ATP2B2: variants seen among roughly 807,000 people sequenced by gnomAD.
The protein encoded by ATP2B2 is ATPase plasma membrane Ca2+ transporting 2, also known as plasma membrane calcium-transporting ATPase 2.
A neutral mutation model predicts 120.0 loss-of-function variants in ATP2B2; 15 were observed. The observed-to-expected ratio is 0.12, with a 90% CI of 0.08 to 0.19. The LOEUF is 0.19. Among genes scored for constraint, ATP2B2 ranks in the 10% least tolerant of loss-of-function variants. ATP2B2 has a pLI of 1.00. For synonymous variants in ATP2B2, 694 were observed against 700.3 expected (o/e 0.99, Z 0.14); for missense variants, 1,045 against 1,719.8 (o/e 0.61, Z 6.94).
chr3:10,336,022 C>G, intron 22 of ATP2B2: 1 of 1,345,564 alleles, frequency 7.4e-7, no homozygotes, highest in East Asian at 2.5e-5. Flanking sequence ...TCCCCCTGGG[C>G]CTGATTGTGA....
intron 22 of ATP2B2, among the ~76,000 whole-genome samples, chr3:10,334,938 T>C (rs1419569450): frequency 5.3e-5 from 8 of 152,152 alleles, no homozygotes; most frequent in Non-Finnish European, 1.0e-4. Context: ...ACTATGCCAA[T>C]TGGAGAAGAC....
intron 1 of ATP2B2, among the ~76,000 whole-genome samples, chr3:10,490,996 T>A (rs2065911802): frequency 6.6e-6 from 1 of 152,256 alleles, no homozygotes; most frequent in Non-Finnish European, 1.5e-5. Context: ...TGACTTTGCC[T>A]TCTGCTCTTG....
chr3:10,609,621 A>T (rs1397574375), intron 2 of ATP2B2, among the ~76,000 whole-genome samples: 1 of 152,188 alleles, frequency 6.6e-6, no homozygotes, highest in Non-Finnish European at 1.5e-5. Flanking sequence ...GCCTACCTGG[A>T]GGTCCAGGTA....
intron 8 of ATP2B2, among the ~76,000 whole-genome samples, chr3:10,381,829 A>G (rs1487556080): frequency 2.0e-5 from 3 of 152,180 alleles, no homozygotes; most frequent in Non-Finnish European, 4.4e-5. Flanking sequence ...GTGCATCACA[A>G]AGGGCATGGG....
chr3:10,683,711 T>C (rs2071436148), intron 1 of ATP2B2, among the ~76,000 whole-genome samples: 1 of 144,134 alleles, frequency 6.9e-6, no homozygotes, highest in African/African-American at 2.6e-5. Context: ...TGTATATATG[T>C]ATATACATGT....
intron 2 of ATP2B2, among the ~76,000 whole-genome samples, chr3:10,590,692 T>C (rs1173787488): frequency 6.6e-6 from 1 of 152,232 alleles, no homozygotes; most frequent in Admixed American, 6.5e-5. Context: ...CTGTGGGTTC[T>C]CCTGCCCCAA....
At chr3:10,565,096 T>A (rs571752942) in intron 2 of ATP2B2, among the ~76,000 whole-genome samples, 43 of 152,218 alleles carry the variant, frequency 2.8e-4, no homozygotes, top group African/African-American at 9.6e-4. Context: ...GGGACACAGA[T>A]CCCACCATGT....
intron 3 of ATP2B2, among the ~76,000 whole-genome samples, chr3:10,532,884 C>G (rs2067238880): frequency 1.3e-5 from 2 of 152,182 alleles, no homozygotes; most frequent in Admixed American, 6.5e-5. Flanking sequence ...CAGTTAGAAG[C>G]TCAGGGTTGC....
chr3:10,658,296 T>G (rs566686246), intron 1 of ATP2B2, among the ~76,000 whole-genome samples: 2 of 152,112 alleles, frequency 1.3e-5, no homozygotes, highest in South Asian at 4.2e-4. Context: ...CAAACTTCTC[T>G]GAGCTAAAGG....
At chr3:10,695,802 G>A (rs1181789815) in intron 1 of ATP2B2, among the ~76,000 whole-genome samples, 1 of 152,202 alleles carries the variant, frequency 6.6e-6, no homozygotes, top group Non-Finnish European at 1.5e-5. Flanking sequence ...TGCTGACTCT[G>A]GAGCAGTTTG....
intron 14 of ATP2B2, among the ~76,000 whole-genome samples, chr3:10,354,016 C>G (rs186390953): frequency 1.6e-4 from 25 of 152,334 alleles, no homozygotes; most frequent in Non-Finnish European, 3.1e-4. Flanking sequence ...TCACGAGGCC[C>G]CAGCCACTCT....
chr3:10,488,343 AT>A lies in ATP2B2; in HGVS notation c.-320+17121del, dbSNP rs2065793396. On this transcript the variant is annotated intron_variant, in intron 1 of 22. Transcript: ENST00000360273. ...CACAAATCCATCCATCCATCCATCC[AT>A]CCATTCACTCACCCACAAATCGATC... Among the ~76,000 whole-genome samples the A allele has an allele frequency of 9.5e-5, 14 of 146,950 alleles. No homozygotes were observed. In the East Asian group the frequency reaches 2.0e-3, roughly 21 times the overall value.
intron 2 of ATP2B2, among the ~76,000 whole-genome samples, chr3:10,563,731 T>C (rs533443449): frequency 6.6e-6 from 1 of 152,340 alleles, no homozygotes; most frequent in South Asian, 2.1e-4. Context: ...ACTAGGCCAG[T>C]GTTCCAGCCA....
rs570541965 is a variant in ATP2B2 at position 10,415,963 on chromosome 3, G to A, written c.200-5148C>T. Among the ~76,000 whole-genome samples the A allele has an allele frequency of 2.6e-5, 4 of 152,300 alleles. No individual in the cohort carries two copies. The East Asian group carries it at 7.7e-4, about 29-fold the overall frequency. ...CTACCACTGACTTGTGAGTGAGCTTGGGCCAGTTTCACCCCTCGGAGACTC... is the reference window on the plus strand; with the variant it reads ...CTACCACTGACTTGTGAGTGAGCTTAGGCCAGTTTCACCCCTCGGAGACTC... On this transcript the variant is annotated intron_variant, in intron 2 of 22. Transcript: ENST00000360273.
chr3:10,406,434 G>A (rs930557953), intron 3 of ATP2B2, among the ~76,000 whole-genome samples: 2 of 152,208 alleles, frequency 1.3e-5, no homozygotes, highest in East Asian at 3.8e-4. Context: ...TGCATTTACC[G>A]CAGTGGTCTC....
chr3:10,639,068 C>T (rs895116141), intron 1 of ATP2B2, among the ~76,000 whole-genome samples: 5 of 152,154 alleles, frequency 3.3e-5, no homozygotes, highest in African/African-American at 9.7e-5. Flanking sequence ...TTGGGGTAAA[C>T]GTTTGCAACT....
intron 22 of ATP2B2, among the ~76,000 whole-genome samples, chr3:10,332,536 C>T (rs753871614): frequency 9.2e-5 from 14 of 152,276 alleles, no homozygotes; most frequent in Non-Finnish European, 1.6e-4. Context: ...TGCCCTTCTC[C>T]CCAGTCTTGG....
intron 2 of ATP2B2, among the ~76,000 whole-genome samples, chr3:10,425,070 C>A (rs1418680165): frequency 2.6e-5 from 4 of 151,990 alleles, no homozygotes; most frequent in South Asian, 2.1e-4. Context: ...GCAGGTGGAT[C>A]ATCTGGGGCC....
At chr3:10,539,363 A>G (rs966238584) in intron 2 of ATP2B2, among the ~76,000 whole-genome samples, 1 of 152,218 alleles carries the variant, frequency 6.6e-6, no homozygotes, top group Non-Finnish European at 1.5e-5. Context: ...ACAGAATTGG[A>G]AAAAACTGCT....
Sources: allele counts gnomAD v4.1 joint callset (sites outside exome capture counted in the v4.1 genomes callset), GRCh38; gene constraint gnomAD v4.1.1; transcripts MANE v1.5; gene names NCBI Gene and HGNC (gene_info 2026-07-23, HGNC 2026-07-21).